CDC14B: variants seen among roughly 807,000 people sequenced by gnomAD.
The protein encoded by CDC14B is cell division cycle 14B.
In CDC14B, 22 loss-of-function variants were observed where a neutral mutation model predicts 64.2. The ratio of observed to expected loss-of-function variants is 0.34; its 90% CI spans 0.24 to 0.49. The LOEUF is 0.49. CDC14B is among the 20% of genes least tolerant of loss of function. The probability of loss-of-function intolerance (pLI) is 0.99; values close to 1 mark genes in which losing one functional copy is unlikely to be tolerated. For missense variants in CDC14B, 498 were observed against 629.9 expected (o/e 0.79, Z 2.24); for synonymous variants, 191 against 215.8 (o/e 0.89, Z 1.01).
At chr9:96,495,393 C>CT (rs1360671199), downstream of CDC14B, among the ~76,000 whole-genome samples, 3 of 138,278 alleles carry the variant, frequency 2.2e-5, no homozygotes, top group Non-Finnish European at 4.7e-5. Flanking sequence ...TGTGTGCTGC[C>CT]CCCCCCCGCC....
intron 6 of CDC14B, among the ~76,000 whole-genome samples, chr9:96,540,158 AAGT>A (rs1440121575): frequency 6.6e-6 from 1 of 152,240 alleles, no homozygotes; most frequent in Non-Finnish European, 1.5e-5. Context: ...CAATAAAAAA[AAGT>A]AGTTTATAAG....
At chr9:96,612,140 C>T (rs1249786312) in intron 1 of CDC14B, among the ~76,000 whole-genome samples, 1 of 152,232 alleles carries the variant, frequency 6.6e-6, no homozygotes, top group Non-Finnish European at 1.5e-5. Flanking sequence ...AAAAGATGAT[C>T]ACCACGGCAC....
intron 1 of CDC14B, among the ~76,000 whole-genome samples, chr9:96,606,189 C>T (rs1395408464): frequency 2.0e-5 from 3 of 151,032 alleles, no homozygotes; most frequent in South Asian, 4.2e-4. Flanking sequence ...CAAAAATAAG[C>T]GGGTGTGGTG....
chr9:96,531,266 T>C (rs1264140565), intron 9 of CDC14B, among the ~76,000 whole-genome samples: 2 of 152,204 alleles, frequency 1.3e-5, no homozygotes, highest in Admixed American at 1.3e-4. Flanking sequence ...TGCTATCATG[T>C]CCAGGGTTTT....
intron 5 of CDC14B, among the ~76,000 whole-genome samples, chr9:96,549,244 T>C (rs951031049): frequency 6.6e-6 from 1 of 152,114 alleles, no homozygotes; most frequent in Non-Finnish European, 1.5e-5. Flanking sequence ...AAAAACAAAA[T>C]ACAAGCTCAA....
intron 4 of CDC14B, among the ~76,000 whole-genome samples, chr9:96,555,153 T>C (rs1160950738): frequency 6.6e-6 from 1 of 152,202 alleles, no homozygotes; most frequent in Non-Finnish European, 1.5e-5. Context: ...TCCACCCTTG[T>C]GTGGTCCCCT....
rs16911085 is a variant in CDC14B, at chr9:96,523,835, T to C, written c.947-110A>G. Reference sequence around the variant, plus strand: ...CTTCTCATGACTCTGCTTCTTTCAATAGTGGTTCTCAAGGCTGGTTACACT... The same window carrying C: ...CTTCTCATGACTCTGCTTCTTTCAACAGTGGTTCTCAAGGCTGGTTACACT... On this transcript the variant is annotated intron_variant, in intron 9 of 13. Coordinates refer to ENST00000375241, the MANE Select transcript of CDC14B (RefSeq NM_033331.4). The C allele has an allele frequency of 7.5e-4, 835 of 1,117,364 alleles. 4 individuals are homozygous for C. The African/African-American group carries it at 0.012, about 16-fold the overall frequency. The allele number at this position is 1,117,364 out of a possible 1,614,324, so 69.2% of individuals were successfully genotyped here.
chr9:96,499,768 C>A (rs142360813), downstream of CDC14B, among the ~76,000 whole-genome samples: 1 of 152,306 alleles, frequency 6.6e-6, no homozygotes, highest in East Asian at 1.9e-4. Context: ...TCGGGGTAAG[C>A]CCCAATCCAA....
intron 9 of CDC14B, among the ~76,000 whole-genome samples, chr9:96,533,408 C>G (rs1255663110): frequency 6.6e-6 from 1 of 152,228 alleles, no homozygotes; most frequent in African/African-American, 2.4e-5. Flanking sequence ...GGAGATCAGT[C>G]TCCCCCTTTC....
intron 1 of CDC14B, among the ~76,000 whole-genome samples, chr9:96,588,141 G>C (rs7027967): frequency 6.6e-6 from 1 of 152,068 alleles, no homozygotes; most frequent in Non-Finnish European, 1.5e-5. Context: ...GGGTCCAGGG[G>C]AGGGGGCAGG....
chr9:96,551,632 C>A (rs1328902323), intron 5 of CDC14B, among the ~76,000 whole-genome samples, 164 bp downstream of exon 5: 1 of 152,140 alleles, frequency 6.6e-6, no homozygotes, highest in Non-Finnish European at 1.5e-5. Context: ...GCCTCCATGA[C>A]AAAACGTCAA....
At chr9:96,566,771 T>A in intron 1 of CDC14B, 1 of 1,607,306 alleles carries the variant, frequency 6.2e-7, no homozygotes, top group Non-Finnish European at 8.5e-7. Context: ...GGCTCACCTT[T>A]GATCACCTCG....
intron 13 of CDC14B, among the ~76,000 whole-genome samples, chr9:96,493,863 C>T (rs1050051645): frequency 6.6e-6 from 1 of 152,210 alleles, no homozygotes; most frequent in African/African-American, 2.4e-5. Context: ...CCACGTTTTC[C>T]TCCAAAGCCT....
chr9:96,607,353 A>AT (rs71273970), intron 1 of CDC14B, among the ~76,000 whole-genome samples: 7,041 of 127,722 alleles, frequency 0.055, 190 homozygotes, highest in Non-Finnish European at 0.064. Flanking sequence ...ATTTCATTAA[A>AT]TTTTTTTTTT....
At chr9:96,526,133 C>T (rs377017243) in intron 9 of CDC14B, among the ~76,000 whole-genome samples, 1 of 151,934 alleles carries the variant, frequency 6.6e-6, no homozygotes, top group African/African-American at 2.4e-5. Context: ...TTTGGGAGGC[C>T]GAGGAGGGCA....
At chr9:96,575,101 G>A (rs1340160267) in intron 1 of CDC14B, among the ~76,000 whole-genome samples, 3 of 152,150 alleles carry the variant, frequency 2.0e-5, no homozygotes, top group Non-Finnish European at 4.4e-5. Flanking sequence ...ATTTCTTGCC[G>A]GTGCTACATG....
chr9:96,495,510 A>T (rs1833207203), downstream of CDC14B, among the ~76,000 whole-genome samples: 1 of 151,064 alleles, frequency 6.6e-6, no homozygotes, highest in South Asian at 2.1e-4. Flanking sequence ...GCCCACATGG[A>T]TACTGGCCAC....
intron 5 of CDC14B, among the ~76,000 whole-genome samples, chr9:96,542,440 G>C (rs1055181018): frequency 3.9e-5 from 6 of 152,044 alleles, no homozygotes; most frequent in African/African-American, 1.4e-4. Flanking sequence ...TAAGCATTTT[G>C]TTGCTATCGT....
At chr9:96,544,668 G>A (rs1283998219) in intron 5 of CDC14B, among the ~76,000 whole-genome samples, 3 of 152,008 alleles carry the variant, frequency 2.0e-5, no homozygotes, top group Admixed American at 6.6e-5. Flanking sequence ...CTAAGTTTTC[G>A]TATTTTTTGG....
Sources: gnomAD v4.1 joint callset for allele counts (sites outside exome capture counted in the v4.1 genomes callset) on GRCh38, gnomAD v4.1.1 for gene constraint, MANE v1.5 for transcripts, NCBI Gene and HGNC (gene_info 2026-07-23, HGNC 2026-07-21) for gene names.